NELL2: variants seen among roughly 807,000 people sequenced by gnomAD.
NELL2 encodes neural EGFL like 2, also known as protein kinase C-binding protein NELL2.
In NELL2, 41 loss-of-function variants were observed where a neutral mutation model predicts 109.6. The observed-to-expected ratio is 0.37, with a 90% CI of 0.29 to 0.49. The LOEUF is 0.49. Ranked by LOEUF, NELL2 falls within the 20% of genes least tolerant of loss-of-function variation. NELL2 has a pLI of 0.98. For synonymous variants in NELL2, 355 were observed against 344.7 expected (o/e 1.03, Z -0.33); for missense variants, 900 against 1,008.3 (o/e 0.89, Z 1.45).
chr12:44,822,112 C>T (rs1004422934), intron 2 of NELL2, among the ~76,000 whole-genome samples: 2 of 151,926 alleles, frequency 1.3e-5, no homozygotes, highest in Non-Finnish European at 2.9e-5. Flanking sequence ...AACAAGGAAT[C>T]CTGCTAGGAA....
intron 13 of NELL2, among the ~76,000 whole-genome samples, chr12:44,620,402 A>G (rs1239549146): frequency 6.6e-6 from 1 of 152,148 alleles, no homozygotes; most frequent in East Asian, 1.9e-4. Flanking sequence ...GTGTGTCTCA[A>G]TCTAACATGC....
At chr12:44,813,856 A>T (rs1282794153) in intron 3 of NELL2, among the ~76,000 whole-genome samples, 1 of 152,252 alleles carries the variant, frequency 6.6e-6, no homozygotes, top group Non-Finnish European at 1.5e-5. Flanking sequence ...AACTTTAATA[A>T]ATCTACCTCA....
Position 44,779,733 on chromosome 12 carries a change from G to C in NELL2, c.536C>G (p.Pro179Arg). The change falls in exon 5 of 20, where the codon CCC becomes CGC. Residue 179 changes from proline to arginine, a missense_variant. Transcript: ENST00000429094. The stretch of plus-strand genomic sequence containing the variant: ...TGTGCCTAGAGGCAAGTCTGTGGAG[G>C]GCTTTTCTACTACCCTTTCATAAAT... ...NKIYERVVEKPSTDLPLGTTF... is the reference protein window; with the variant it reads ...NKIYERVVEKRSTDLPLGTTF... The C allele has an allele frequency of 6.2e-7, 1 of 1,613,906 alleles. No individual in the cohort carries two copies. The highest frequency in any genetic ancestry group is 1.3e-5 in the African/African-American group (1 of 75,026).
At chr12:44,780,046 G>A (rs1201144678) in intron 3 of NELL2, 24 bp from the exon 4 acceptor site, 6 of 1,606,478 alleles carry the variant, frequency 3.7e-6, no homozygotes, top group South Asian at 1.1e-5. Context: ...AGCCACATGG[G>A]ACACATTAAA....
chr12:44,686,466 G>A (rs187842032), intron 12 of NELL2, among the ~76,000 whole-genome samples: 65 of 152,290 alleles, frequency 4.3e-4, no homozygotes, highest in African/African-American at 1.5e-3. Context: ...GAGGAACTGC[G>A]TTCCTTTGGA....
At chr12:44,667,435 C>T (rs111347724) in intron 12 of NELL2, among the ~76,000 whole-genome samples, 6 of 152,086 alleles carry the variant, frequency 3.9e-5, no homozygotes, top group Non-Finnish European at 8.8e-5. Flanking sequence ...ATGGGCAACA[C>T]GTAAATTAAT....
chr12:44,521,063 G>A (rs1194838089), intron 18 of NELL2, among the ~76,000 whole-genome samples: 1 of 152,102 alleles, frequency 6.6e-6, no homozygotes, highest in Non-Finnish European at 1.5e-5. Flanking sequence ...AAGACACATA[G>A]ACCAATTTTC....
At chr12:44,714,838 CT>C in intron 9 of NELL2, 97 bp from the exon 10 acceptor site, 2 of 645,876 alleles carry the variant, frequency 3.1e-6, no homozygotes, top group Non-Finnish European at 5.0e-6. Flanking sequence ...TGTTATACAC[CT>C]TTTTTCAACA....
intron 15 of NELL2, among the ~76,000 whole-genome samples, chr12:44,558,073 A>C (rs570474716): frequency 1.3e-5 from 2 of 152,202 alleles, no homozygotes; most frequent in Admixed American, 1.3e-4. Flanking sequence ...AAGTTTGCCT[A>C]TGAAGGAAAG....
intron 13 of NELL2, among the ~76,000 whole-genome samples, chr12:44,652,807 G>A (rs969274412): frequency 6.6e-6 from 1 of 152,142 alleles, no homozygotes; most frequent in Admixed American, 6.5e-5. Context: ...ACAGGCCTGC[G>A]TTTCTCCCTG....
At position 44,613,838 on chromosome 12, in the gene NELL2, A is replaced by T. The variant is rs114011902; in HGVS notation, c.1445-2868T>A. On this transcript the variant is annotated intron_variant, in intron 13 of 19. Transcript: ENST00000429094. ...AGTGCTCCATTTCCAGTTTTGGTCA[A>T]ATGTCAATTTCTCATCCTTTCTCTG... Among the ~76,000 whole-genome samples the T allele has an allele frequency of 3.0e-3, 449 of 152,158 alleles. 3 individuals are homozygous for T. Among genetic ancestry groups the T allele is most frequent in the African/African-American group, 0.01 (418 of 41,528 alleles).
rs138307892 is a variant in NELL2, at chr12:44,903,376, A to T, written c.38+10423T>A. On this transcript the variant is annotated intron_variant, in intron 1 of 20. Coordinates refer to the NELL2 transcript ENST00000333837. ...GCCAGTTAGAATGGCGTCATTAAAA[A>T]GTCATGAAACAACAGATGCTGGAGA... Among the ~76,000 whole-genome samples the T allele has an allele frequency of 6.4e-3, 981 of 152,324 alleles. 10 individuals are homozygous for T. The highest frequency in any genetic ancestry group is 0.022 in the African/African-American group (932 of 41,566).
Position 44,661,902 on chromosome 12 carries a change from T to C in NELL2, c.1444+3582A>G, listed in dbSNP as rs183176887. 5.3e-5 allele frequency among the ~76,000 whole-genome samples: 8 copies of C among 152,134 alleles called. No individual in the cohort carries two copies. The East Asian group carries it at 1.5e-3, about 29-fold the overall frequency. ...TCTCTTCTCTATTTCCCTCTCTCTG[T>C]TCTCCCTTCCCCCTTCCTTTCCTTT... On this transcript the variant is annotated intron_variant, in intron 13 of 19. Coordinates refer to ENST00000429094, the MANE Select transcript of NELL2 (RefSeq NM_001145108.2).
intron 19 of NELL2, among the ~76,000 whole-genome samples, chr12:44,519,060 G>A (rs1941405860): frequency 6.6e-6 from 1 of 152,006 alleles, no homozygotes; most frequent in African/African-American, 2.4e-5. Flanking sequence ...ATCTACTCTG[G>A]TAAGAATTTG....
intron 15 of NELL2, among the ~76,000 whole-genome samples, chr12:44,539,234 GT>G (rs965281586): frequency 2.6e-5 from 4 of 152,052 alleles, no homozygotes; most frequent in Non-Finnish European, 4.4e-5. Flanking sequence ...ATTCCTACCT[GT>G]TTTTCTCCCC....
intron 9 of NELL2, among the ~76,000 whole-genome samples, chr12:44,753,104 A>G (rs974047284): frequency 3.3e-5 from 5 of 152,032 alleles, no homozygotes; most frequent in Non-Finnish European, 7.4e-5. Flanking sequence ...CTGTCCTCCA[A>G]ATAGTTACAT....
chr12:44,738,383 G>A (rs1939763889), intron 9 of NELL2, among the ~76,000 whole-genome samples: 1 of 151,074 alleles, frequency 6.6e-6, no homozygotes, highest in African/African-American at 2.4e-5. Flanking sequence ...TAATAGCCAA[G>A]ATACAGAAAC....
At chr12:44,634,001 T>C (rs1208483616) in intron 13 of NELL2, among the ~76,000 whole-genome samples, 1 of 152,152 alleles carries the variant, frequency 6.6e-6, no homozygotes, top group African/African-American at 2.4e-5. Context: ...AAATTTTAAT[T>C]GACCACATTT....
At chr12:44,514,977 CA>C (rs1284379328) in intron 19 of NELL2, among the ~76,000 whole-genome samples, 1 of 150,184 alleles carries the variant, frequency 6.7e-6, no homozygotes, top group African/African-American at 2.4e-5. Flanking sequence ...ACAACAAATA[CA>C]ATAATAATAT....
Sources: allele counts gnomAD v4.1 joint callset (sites outside exome capture counted in the v4.1 genomes callset), GRCh38; gene constraint gnomAD v4.1.1; transcripts MANE v1.5; gene names NCBI Gene and HGNC (gene_info 2026-07-23, HGNC 2026-07-21).